Variants in PIGU observed in about 807,000 individuals in gnomAD.
PIGU encodes the protein GPI-anchor transamidase component PIGU.
A neutral mutation model predicts 49.9 loss-of-function variants in PIGU; 24 were observed. The observed-to-expected ratio is 0.48, with a 90% CI of 0.35 to 0.68. The LOEUF is 0.68. PIGU is among the 30% of genes least tolerant of loss of function. The probability of loss-of-function intolerance (pLI) is 0.01; values close to 1 mark genes in which losing one functional copy is unlikely to be tolerated. For missense variants in PIGU, 490 were observed against 532.6 expected (o/e 0.92, Z 0.79); for synonymous variants, 220 against 205.7 (o/e 1.07, Z -0.59).
rs920143432 is a variant in PIGU at position 34,654,988 on chromosome 20, G to C, written c.195+2192C>G. On this transcript the variant is annotated intron_variant, in intron 2 of 11. Transcript: ENST00000217446. ...CCATTGCACTCCATCCTGGGCGACA[G>C]AGCGAGACTCTGTCTCAAAAAAAAA... Among the ~76,000 whole-genome samples the C allele has an allele frequency of 9.4e-5, 8 of 85,446 alleles. 1 individual carries two copies. The highest frequency in any genetic ancestry group is 1.9e-4 in the Non-Finnish European group (8 of 42,146). 56.1% of individuals were successfully genotyped at this position (85,446 alleles called of 152,430 possible). A position where few individuals can be genotyped will look rare whatever the true frequency, so the allele number is the denominator to read the frequency against.
intron 11 of PIGU, among the ~76,000 whole-genome samples, chr20:34,561,928 C>T (rs1982532386): frequency 6.6e-6 from 1 of 152,210 alleles, no homozygotes; most frequent in African/African-American, 2.4e-5. Flanking sequence ...ATTTTCCATT[C>T]AGCTGACAGC....
At chr20:34,653,163 G>A (rs1304356598) in intron 2 of PIGU, among the ~76,000 whole-genome samples, 4 of 152,056 alleles carry the variant, frequency 2.6e-5, no homozygotes, top group Admixed American at 1.3e-4. Flanking sequence ...AGCAGAGACG[G>A]GGTTTCACCA....
At chr20:34,562,542 C>T in intron 11 of PIGU, 2 of 1,289,412 alleles carry the variant, frequency 1.6e-6, no homozygotes, top group Non-Finnish European at 2.0e-6. Flanking sequence ...AAGTACCTGC[C>T]ATTCTATCAC....
At chr20:34,584,534 A>G (rs1352529877) in intron 9 of PIGU, among the ~76,000 whole-genome samples, 1 of 113,452 alleles carries the variant, frequency 8.8e-6, no homozygotes, top group African/African-American at 3.5e-5. Context: ...TTTTTGAGAC[A>G]TGCACTTCCG....
chr20:34,644,492 T>C (rs1002181795), intron 3 of PIGU, among the ~76,000 whole-genome samples: 2 of 152,202 alleles, frequency 1.3e-5, no homozygotes, highest in Non-Finnish European at 1.5e-5. Flanking sequence ...AAGATACTTA[T>C]GTTTTTTGTA....
At chr20:34,640,077 G>A (rs1986100230) in intron 4 of PIGU, among the ~76,000 whole-genome samples, 1 of 152,188 alleles carries the variant, frequency 6.6e-6, no homozygotes, top group Non-Finnish European at 1.5e-5. Context: ...GGGGCAGCCA[G>A]ACAGACAGGT....
At chr20:34,626,303 C>CT (rs368354750) in intron 6 of PIGU, among the ~76,000 whole-genome samples, 50,679 of 137,916 alleles carry the variant, frequency 0.37, 9,658 homozygotes, top group Admixed American at 0.53. Flanking sequence ...AAACTCCAAA[C>CT]TTTTTTTTTT....
intron 9 of PIGU, 146 bp downstream of exon 9, chr20:34,585,291 C>CGGCAACTGA (rs1164747068): frequency 2.3e-5 from 22 of 964,272 alleles, no homozygotes; most frequent in Non-Finnish European, 3.3e-5. Flanking sequence ...CTGGCAACTG[C>CGGCAACTGA]GGCAACTGAA....
chr20:34,667,576 T>C (rs1987142896), intron 1 of PIGU, among the ~76,000 whole-genome samples: 1 of 152,004 alleles, frequency 6.6e-6, no homozygotes, highest in South Asian at 2.1e-4. Flanking sequence ...ACAGAATGAA[T>C]ATAGTATACA....
intron 1 of PIGU, among the ~76,000 whole-genome samples, chr20:34,670,783 A>G (rs1207912801): frequency 6.6e-6 from 1 of 151,246 alleles, no homozygotes; most frequent in African/African-American, 2.4e-5. Context: ...AGCTCAAGTG[A>G]TCTGCCCACC....
chr20:34,626,216 T>C (rs1410342206), intron 6 of PIGU, among the ~76,000 whole-genome samples: 1 of 151,782 alleles, frequency 6.6e-6, no homozygotes, highest in Non-Finnish European at 1.5e-5. Flanking sequence ...TTCTCAAAAG[T>C]AGAATAAAAA....
chr20:34,666,546 T>A (rs1600673253), intron 1 of PIGU, among the ~76,000 whole-genome samples: 2 of 151,566 alleles, frequency 1.3e-5, no homozygotes, highest in East Asian at 3.9e-4. Flanking sequence ...TTATTTATTT[T>A]TAGAGACAGG....
At chr20:34,603,095 T>C (rs896199603) in intron 7 of PIGU, among the ~76,000 whole-genome samples, 1 of 152,156 alleles carries the variant, frequency 6.6e-6, no homozygotes, top group African/African-American at 2.4e-5. Flanking sequence ...TTAACCCATA[T>C]AACATCCCAT....
chr20:34,617,511 G>C (rs1429135793), intron 6 of PIGU, among the ~76,000 whole-genome samples: 1 of 152,214 alleles, frequency 6.6e-6, no homozygotes, highest in Non-Finnish European at 1.5e-5. Context: ...CTTTGGTTTG[G>C]CCAATTTCTC....
chr20:34,644,999 C>T (rs1361194146), intron 3 of PIGU, among the ~76,000 whole-genome samples: 1 of 151,980 alleles, frequency 6.6e-6, no homozygotes, highest in African/African-American at 2.4e-5. Flanking sequence ...TAAGTTTTTG[C>T]TTTTATTTTC....
intron 4 of PIGU, 90 bp downstream of exon 4, chr20:34,644,074 T>C: frequency 1.6e-6 from 2 of 1,235,662 alleles, no homozygotes. Context: ...CTTTAAAGCA[T>C]CTGGATCCTT....
In PIGU at chr20:34,581,818, A is replaced by G. The variant is rs1983485979; in HGVS notation, c.927-146T>C. 1.3e-5 allele frequency: 15 copies of G among 1,112,954 alleles called. No homozygotes were observed. The South Asian group carries it at 2.3e-4, about 17-fold the overall frequency. The allele number at this position is 1,112,954 out of a possible 1,614,324, so 68.9% of individuals were successfully genotyped here. A position where few individuals can be genotyped will look rare whatever the true frequency, so the allele number is the denominator to read the frequency against. On this transcript the variant is annotated intron_variant, in intron 9 of 11. Transcript: ENST00000217446. ...CTCTGCTATCCACAAGGCATGGGCC[A>G]GGCCCCAGTAGCAGAGCAGAAAACT...
intron 11 of PIGU, among the ~76,000 whole-genome samples, chr20:34,572,099 G>A (rs903418426): frequency 6.6e-6 from 1 of 152,182 alleles, no homozygotes; most frequent in Non-Finnish European, 1.5e-5. Flanking sequence ...ATCCCACCAC[G>A]TGGAATCTAC....
At chr20:34,676,862 C>A in intron 1 of PIGU, 94 bp downstream of exon 1, 1 of 1,430,852 alleles carries the variant, frequency 7.0e-7, no homozygotes, top group Non-Finnish European at 9.4e-7. Context: ...TCTCTAGGAA[C>A]CGCGCGCTGG....
Sources: allele counts gnomAD v4.1 joint callset (sites outside exome capture counted in the v4.1 genomes callset), GRCh38; gene constraint gnomAD v4.1.1; transcripts MANE v1.5; gene names NCBI Gene and HGNC (gene_info 2026-07-23, HGNC 2026-07-21).